The following FANCD2 variants were observed in gnomAD, a reference collection of about 807,000 sequenced individuals.
The protein encoded by FANCD2 is Fanconi anemia group D2 protein.
In FANCD2, 131 loss-of-function variants were observed where a neutral mutation model predicts 192.3. The ratio of observed to expected loss-of-function variants is 0.68; its 90% confidence interval spans 0.59 to 0.79. FANCD2 has a LOEUF of 0.79. Among genes scored for constraint, FANCD2 ranks in the 30% least tolerant of loss-of-function variants. The pLI is 0.00. For missense variants in FANCD2, 1,508 were observed against 1,701.6 expected (o/e 0.89, Z 2.00); for synonymous variants, 524 against 612.5 (o/e 0.86, Z 2.13).
intron 39 of FANCD2, among the ~76,000 whole-genome samples, 194 bp from the exon 40 acceptor site, chr3:10,094,095 G>C (rs1694811604): frequency 6.6e-6 from 1 of 152,188 alleles, no homozygotes; most frequent in Non-Finnish European, 1.5e-5. Flanking sequence ...TAATTCTGGG[G>C]CTTAGTTAAC....
At chr3:10,064,902 CTGT>C (rs780716256) in intron 23 of FANCD2, 27 bp downstream of exon 23, 8 of 1,612,078 alleles carry the variant, frequency 5.0e-6, no homozygotes, top group Non-Finnish European at 6.8e-6. Flanking sequence ...TTTTCTAAAC[CTGT>C]TAGTGTTTTG....
At chr3:10,092,892 C>T (rs1030732536) in intron 38 of FANCD2, among the ~76,000 whole-genome samples, 1 of 151,738 alleles carries the variant, frequency 6.6e-6, no homozygotes, top group Admixed American at 6.6e-5. Flanking sequence ...GGGTCTCATT[C>T]TGTTCCCCAG....
At chr3:10,094,192 G>C in intron 39 of FANCD2, 97 bp from the exon 40 acceptor site, 1 of 878,302 alleles carries the variant, frequency 1.1e-6, no homozygotes, top group Non-Finnish European at 1.9e-6. Context: ...ATATAAATAA[G>C]AAAATAAAAC....
chr3:10,081,231 C>A lies in FANCD2; in HGVS notation c.3105+3C>A. On this transcript the variant is annotated splice_donor_region_variant and intron_variant, in intron 31 of 43. Transcript: ENST00000675286. ...AGAACATTCACAACTATTTTCAGGTCAGAAGCCTAGACTTAGAAGCTGCTA... is the reference window on the plus strand; with the variant it reads ...AGAACATTCACAACTATTTTCAGGTAAGAAGCCTAGACTTAGAAGCTGCTA... The A allele has an allele frequency of 6.2e-7, 1 of 1,614,070 alleles. No individual in the cohort carries two copies. Among genetic ancestry groups the A allele is most frequent in the Non-Finnish European group, 8.5e-7 (1 of 1,180,026 alleles).
At position 10,054,396 on chromosome 3, in the gene FANCD2, C is replaced by CATAT. The variant is rs1559383160; in HGVS notation, c.1656+1899_1656+1900insATAT. Reference sequence around the variant, plus strand: ...GTATATACATATATATATGTATATACGTATATGTATATACGTATATACATA... The same window carrying CATAT: ...GTATATACATATATATATGTATATACATATGTATATGTATATACGTATATACATA... On this transcript the variant is annotated intron_variant, in intron 18 of 43. Coordinates refer to ENST00000675286, the MANE Select transcript of FANCD2 (RefSeq NM_001018115.3). 1.0e-4 allele frequency among the ~76,000 whole-genome samples: 8 copies of CATAT among 79,254 alleles called. No homozygotes were observed. In the South Asian group the frequency reaches 3.1e-3, roughly 30 times the overall value. The allele number at this position is 79,254 out of a possible 152,430, so 52.0% of individuals were successfully genotyped here.
chr3:10,085,894 C>T lies in FANCD2; in HGVS notation c.3307C>T (p.His1103Tyr), dbSNP rs1240225716. ...VLSSRLKQGE[H>Y]SQPLEELLSQ... ...TAGTAGCCGACTGAAACAGGGAGAA[C>T]ACAGCCAGCCTTTGGAGGAACTACT... is the stretch of plus-strand genomic sequence containing the variant. The change falls in exon 33 of 44, where the codon CAC (histidine) becomes TAC (tyrosine). Residue 1103 changes from histidine (H) to tyrosine (Y), a missense_variant. Transcript: ENST00000675286. 6.2e-7 allele frequency: 1 copy of T among 1,613,030 alleles called. No individual in the cohort carries two copies. Among genetic ancestry groups the T allele is most frequent in the African/African-American group, 1.3e-5 (1 of 75,000 alleles).
chr3:10,081,771 G>T (rs1357231683), intron 32 of FANCD2, among the ~76,000 whole-genome samples: 3 of 152,120 alleles, frequency 2.0e-5, no homozygotes, highest in African/African-American at 7.2e-5. Context: ...ATTGTTTGGT[G>T]ATGAGCTGAA....
intron 22 of FANCD2, 133 bp from the exon 23 acceptor site, chr3:10,064,596 C>T: frequency 2.3e-6 from 3 of 1,315,470 alleles, no homozygotes; most frequent in Non-Finnish European, 3.3e-6. Flanking sequence ...TCCAAAATTC[C>T]TAAAAGGTTC....
chr3:10,098,446 A>G (rs554722329), intron 42 of FANCD2, among the ~76,000 whole-genome samples: 1 of 152,190 alleles, frequency 6.6e-6, no homozygotes, highest in Non-Finnish European at 1.5e-5. Context: ...AGAGTCACCA[A>G]TACAGTCTAG....
At position 10,043,471 on chromosome 3, in the gene FANCD2, C is replaced by T. The variant is rs1396991599; in HGVS notation, c.990-13C>T. The T allele has an allele frequency of 6.2e-7, 1 of 1,606,238 alleles. No individual in the cohort carries two copies. The highest frequency in any genetic ancestry group is 1.7e-5 in the Admixed American group (1 of 59,992). ...CGTAGAAGAGTAATTTTTTTCCTCT[C>T]TGCTACTTGTAGTTCCTCAGGAAAT... On this transcript the variant is annotated splice_polypyrimidine_tract_variant and intron_variant, in intron 12 of 43. Coordinates refer to ENST00000675286, the MANE Select transcript of FANCD2 (RefSeq NM_001018115.3).
rs2124985470 is a variant in FANCD2, at chr3:10,039,850, ATAAACC to A, written c.695+6_695+11del. The A allele has an allele frequency of 6.2e-7, 1 of 1,614,058 alleles. No homozygotes were observed. Among genetic ancestry groups the A allele is most frequent in the Non-Finnish European group, 8.5e-7 (1 of 1,180,026 alleles). ...TGATGTGGGGAAAGAACTCAGGTGG[ATAAACC>A]CTCTGTCATCATCTAAGTGAGGCTC... On this transcript the variant is annotated splice_donor_region_variant and intron_variant, in intron 9 of 43. Coordinates refer to ENST00000675286, the MANE Select transcript of FANCD2 (RefSeq NM_001018115.3).
intron 18 of FANCD2, among the ~76,000 whole-genome samples, 176 bp downstream of exon 18, chr3:10,052,673 C>T (rs1028427541): frequency 6.6e-6 from 1 of 152,106 alleles, no homozygotes; most frequent in Admixed American, 6.6e-5. Context: ...CACGTGCCAC[C>T]ATACCCAGCT....
rs1276968156 is a variant in FANCD2 at position 10,034,552 on chromosome 3, C to T, written c.273+16C>T. 2 of 1,601,928 alleles carry T rather than the reference C, an allele frequency of 1.2e-6. No homozygotes were observed. Among genetic ancestry groups the T allele is most frequent in the Non-Finnish European group, 1.7e-6 (2 of 1,169,122 alleles). ...CTATCCCAAAGTATGTATTTTTCCC[C>T]TGGTATTTTTGCTTGTGCCAGCATA... On this transcript the variant is annotated intron_variant, in intron 4 of 43. Transcript: ENST00000675286.
chr3:10,071,130 AAAAAAAAAG>A (rs1693218919), intron 26 of FANCD2, among the ~76,000 whole-genome samples: 2 of 150,308 alleles, frequency 1.3e-5, no homozygotes, highest in Admixed American at 1.3e-4. Flanking sequence ...ATCGATAAAA[AAAAAAAAAG>A]AAAAAAAGAA....
At chr3:10,073,457 A>T (rs1238979000) in intron 28 of FANCD2, 95 bp downstream of exon 28, 7 of 1,049,050 alleles carry the variant, frequency 6.7e-6, no homozygotes, top group African/African-American at 4.7e-5. Flanking sequence ...AAGAAAAAAA[A>T]ATTAGGAAAC....
rs943009372 is a variant in FANCD2 at position 10,036,340 on chromosome 3, G to A, written c.491+1G>A. ...AGTTGCCAGAATATTTTTTTGAAAAGTAAGTGGCGTTATTATGGAATGTTC... is the reference window on the plus strand; with the variant it reads ...AGTTGCCAGAATATTTTTTTGAAAAATAAGTGGCGTTATTATGGAATGTTC... On this transcript the variant is annotated splice_donor_variant, in intron 7 of 43. Coordinates refer to ENST00000675286, the MANE Select transcript of FANCD2 (RefSeq NM_001018115.3). LOFTEE classifies it high-confidence loss of function. 6.8e-6 allele frequency: 11 copies of A among 1,609,686 alleles called. No individual in the cohort carries two copies. The highest frequency in any genetic ancestry group is 2.6e-6 in the Non-Finnish European group (3 of 1,176,322).
chr3:10,065,464 G>T lies in FANCD2; in HGVS notation c.2239G>T (p.Gly747Ter). Residue 747 changes from glycine to a stop codon, truncating the protein, a stop_gained, in exon 24 of 44, where the codon GGA becomes TGA. Transcript: ENST00000675286. LOFTEE classifies it high-confidence loss of function. The part of the protein sequence containing the change: ...LRLCVERQHN[G>*]NLEEIDGLLD... ...ACTTTGTGTGGAGAGACAGCATAAC[G>T]GAAACTTGGAGGAGATTGATGGTCT... is the stretch of plus-strand genomic sequence containing the variant. 1.2e-6 allele frequency: 2 copies of T among 1,613,396 alleles called. No homozygotes were observed. Among genetic ancestry groups the T allele is most frequent in the Non-Finnish European group, 1.7e-6 (2 of 1,179,382 alleles).
At chr3:10,043,345 A>G (rs796371837) in intron 12 of FANCD2, 139 bp from the exon 13 acceptor site, 22 of 825,554 alleles carry the variant, frequency 2.7e-5, no homozygotes, top group Non-Finnish European at 3.5e-5. Flanking sequence ...TCAATCCCAG[A>G]CAGACGACAG....
chr3:10,050,227 A>C (rs1481318287), intron 17 of FANCD2, among the ~76,000 whole-genome samples: 1 of 152,328 alleles, frequency 6.6e-6, no homozygotes, highest in East Asian at 1.9e-4. Context: ...AAATGGTCTA[A>C]GGGAGTGAGA....
Sources: allele counts gnomAD v4.1 joint callset (sites outside exome capture counted in the v4.1 genomes callset), GRCh38; gene constraint gnomAD v4.1.1; transcripts MANE v1.5; gene names NCBI Gene and HGNC (gene_info 2026-07-23, HGNC 2026-07-21).